The following CDK14 variants were observed in gnomAD, a reference collection of about 807,000 sequenced individuals.
The protein encoded by CDK14 is cyclin dependent kinase 14.
A neutral mutation model predicts 60.7 loss-of-function variants in CDK14; 34 were observed. The observed-to-expected ratio is 0.56, with a 90% CI of 0.43 to 0.75. The LOEUF (loss-of-function observed/expected upper bound fraction) is 0.75. Ranked by LOEUF, CDK14 falls within the 30% of genes least tolerant of loss-of-function variation. The pLI, the probability that CDK14 is intolerant of heterozygous loss-of-function variation, is 0.00. For missense variants in CDK14, 482 were observed against 564.1 expected (o/e 0.85, Z 1.47); for synonymous variants, 197 against 203.7 (o/e 0.97, Z 0.28).
At chr7:90,874,228 TTTG>T (rs1293103531) in intron 6 of CDK14, among the ~76,000 whole-genome samples, 5 of 152,022 alleles carry the variant, frequency 3.3e-5, no homozygotes, top group Non-Finnish European at 7.4e-5. Flanking sequence ...GTGCGAGATT[TTTG>T]TTGTTGTTGA....
chr7:90,775,226 A>G (rs767536470), intron 4 of CDK14, among the ~76,000 whole-genome samples: 16 of 152,184 alleles, frequency 1.1e-4, no homozygotes, highest in Non-Finnish European at 2.1e-4. Flanking sequence ...CTTTTCTTTA[A>G]TCCTAGCTCA....
At chr7:90,883,306 A>G (rs1791825373) in intron 6 of CDK14, among the ~76,000 whole-genome samples, 1 of 152,222 alleles carries the variant, frequency 6.6e-6, no homozygotes, top group Non-Finnish European at 1.5e-5. Context: ...CCATCAGAGA[A>G]TACTATAAAC....
At chr7:91,078,301 T>C (rs925188621) in intron 11 of CDK14, among the ~76,000 whole-genome samples, 1 of 152,206 alleles carries the variant, frequency 6.6e-6, no homozygotes, top group Admixed American at 6.5e-5. Flanking sequence ...TAGAACGTTA[T>C]ACGATTTTAA....
intron 5 of CDK14, among the ~76,000 whole-genome samples, chr7:90,861,939 T>A (rs1281856071): frequency 6.6e-6 from 1 of 152,236 alleles, no homozygotes; most frequent in Admixed American, 6.5e-5. Flanking sequence ...ATTAAAACTG[T>A]GCATAACACT....
At chr7:91,072,384 G>A (rs958068858) in intron 11 of CDK14, among the ~76,000 whole-genome samples, 8 of 152,056 alleles carry the variant, frequency 5.3e-5, no homozygotes, top group Admixed American at 3.3e-4. Flanking sequence ...CAGATAAATA[G>A]GGCCTGAAGT....
chr7:90,948,535 G>A (rs922355472), intron 8 of CDK14, among the ~76,000 whole-genome samples: 1 of 152,218 alleles, frequency 6.6e-6, no homozygotes, highest in Admixed American at 6.5e-5. Flanking sequence ...AACCTAGTCT[G>A]TCCCAGGAGT....
At chr7:91,056,345 C>A (rs1337920114) in intron 11 of CDK14, among the ~76,000 whole-genome samples, 2 of 150,622 alleles carry the variant, frequency 1.3e-5, no homozygotes, top group South Asian at 2.1e-4. Flanking sequence ...ATATTGGAAG[C>A]ACAGAGAACA....
chr7:91,127,476 G>C (rs913857724), intron 14 of CDK14, among the ~76,000 whole-genome samples: 7 of 152,136 alleles, frequency 4.6e-5, no homozygotes, highest in Admixed American at 4.6e-4. Flanking sequence ...AATTATAACA[G>C]GGTTGGTGTT....
chr7:90,702,790 A>G (rs915413496), intron 2 of CDK14, among the ~76,000 whole-genome samples: 6 of 152,312 alleles, frequency 3.9e-5, no homozygotes, highest in African/African-American at 7.2e-5. Context: ...AGTATGTACT[A>G]CATAAGTGGC....
chr7:90,858,788 C>T (rs908401027), intron 5 of CDK14, among the ~76,000 whole-genome samples: 4 of 152,116 alleles, frequency 2.6e-5, no homozygotes, highest in African/African-American at 4.8e-5. Flanking sequence ...TGAGCCTATG[C>T]GATCCCCAGA....
At chr7:91,091,909 A>ATC (rs1449491560) in intron 12 of CDK14, among the ~76,000 whole-genome samples, 1 of 152,076 alleles carries the variant, frequency 6.6e-6, no homozygotes, top group African/African-American at 2.4e-5. Flanking sequence ...GTTTTAAGAC[A>ATC]TCAGTAGACT....
At chr7:90,682,411 T>C (rs985953786) in intron 2 of CDK14, among the ~76,000 whole-genome samples, 1 of 152,170 alleles carries the variant, frequency 6.6e-6, no homozygotes, top group African/African-American at 2.4e-5. Flanking sequence ...TATCAATCAA[T>C]CATCTGTCGG....
chr7:90,904,072 G>A (rs7795453), intron 7 of CDK14, among the ~76,000 whole-genome samples: 127,382 of 151,916 alleles, frequency 0.84, 53,524 homozygotes, highest in East Asian at 0.93. Context: ...TTGCTCCTCA[G>A]TCTGCCAGCA....
intron 5 of CDK14, among the ~76,000 whole-genome samples, chr7:90,839,759 G>C (rs1231889776): frequency 6.6e-6 from 1 of 152,170 alleles, no homozygotes; most frequent in Non-Finnish European, 1.5e-5. Flanking sequence ...ATTACAGATA[G>C]TAGGGTTTTA....
intron 10 of CDK14, among the ~76,000 whole-genome samples, chr7:91,003,399 C>A (rs1204077306): frequency 6.6e-6 from 1 of 152,128 alleles, no homozygotes; most frequent in African/African-American, 2.4e-5. Flanking sequence ...TCTTAAATGG[C>A]AGCCATGGTG....
At position 91,209,859 on chromosome 7, in the gene CDK14, G is replaced by A. The variant is rs539805447; in HGVS notation, c.*2723G>A. On this transcript the variant is annotated 3_prime_UTR_variant, in exon 15 of 15. Transcript: ENST00000380050. ...ATCCACTGATTCTGGGGTGAGAAGC[G>A]ATTTCTACCTCGCAAGAGTGACTAG... 3.9e-5 allele frequency: 6 copies of A among 152,700 alleles called. No homozygotes were observed. The highest frequency in any genetic ancestry group is 2.1e-4 in the South Asian group (1 of 4,802). 9.5% of individuals were successfully genotyped at this position (152,700 alleles called of 1,614,324 possible).
At chr7:91,158,401 C>T (rs554464280) in intron 14 of CDK14, among the ~76,000 whole-genome samples, 5 of 151,710 alleles carry the variant, frequency 3.3e-5, no homozygotes, top group Non-Finnish European at 5.9e-5. Context: ...ATTTTTTATA[C>T]GCACAGGGTT....
intron 5 of CDK14, among the ~76,000 whole-genome samples, chr7:90,803,571 T>A (rs573385027): frequency 1.3e-5 from 2 of 152,056 alleles, no homozygotes; most frequent in Non-Finnish European, 2.9e-5. Flanking sequence ...AATGAGTAAC[T>A]GTGGTTGGGG....
chr7:91,139,593 T>C (rs1800381623), intron 14 of CDK14, among the ~76,000 whole-genome samples: 1 of 152,186 alleles, frequency 6.6e-6, no homozygotes, highest in Non-Finnish European at 1.5e-5. Flanking sequence ...ACTTTATGTT[T>C]CCACCTAAGA....
Sources: gnomAD v4.1 joint callset for allele counts (sites outside exome capture counted in the v4.1 genomes callset) on GRCh38, gnomAD v4.1.1 for gene constraint, MANE v1.5 for transcripts, NCBI Gene and HGNC (gene_info 2026-07-23, HGNC 2026-07-21) for gene names.